Variants in SGCD observed in about 807,000 individuals in gnomAD.
SGCD encodes delta-sarcoglycan.
SGCD carries 18 observed loss-of-function variants against 36.6 expected under a neutral mutation model. That is an observed-to-expected ratio of 0.49 (90% confidence interval 0.34 to 0.73). The LOEUF is 0.73. Among genes scored for constraint, SGCD ranks in the 30% least tolerant of loss-of-function variants. SGCD has a pLI of 0.01. For missense variants in SGCD, 387 were observed against 346.7 expected, an observed-to-expected ratio of 1.12 and a Z score of -0.92; for synonymous variants, 133 against 130.6, an observed-to-expected ratio of 1.02 and a Z score of -0.12.
chr5:156,241,013 A>C (rs1765291258), intron 3 of SGCD, among the ~76,000 whole-genome samples: 1 of 152,218 alleles, frequency 6.6e-6, no homozygotes, highest in African/African-American at 2.4e-5. Context: ...AAATTGCCTT[A>C]AACTGATTTA....
intron 1 of SGCD, among the ~76,000 whole-genome samples, chr5:156,074,373 G>T (rs1263388967): frequency 6.6e-6 from 1 of 151,888 alleles, no homozygotes; most frequent in African/African-American, 2.4e-5. Context: ...AATACTGAAA[G>T]ATCAAAATCT....
At chr5:156,724,135 A>G (rs1335722791) in intron 7 of SGCD, among the ~76,000 whole-genome samples, 1 of 152,144 alleles carries the variant, frequency 6.6e-6, no homozygotes. Context: ...GAGCACGAAG[A>G]CTGTAGAAAT....
chr5:156,479,222 A>G (rs915238684), intron 3 of SGCD, among the ~76,000 whole-genome samples: 5 of 152,066 alleles, frequency 3.3e-5, no homozygotes, highest in Admixed American at 2.6e-4. Flanking sequence ...CCTCCTGAGT[A>G]GCTGCGACTA....
chr5:156,156,734 G>T (rs916181066), intron 3 of SGCD, among the ~76,000 whole-genome samples: 1 of 151,480 alleles, frequency 6.6e-6, no homozygotes, highest in Non-Finnish European at 1.5e-5. Flanking sequence ...AGGTCCCTGG[G>T]TCATTTTAAG....
intron 1 of SGCD, among the ~76,000 whole-genome samples, chr5:156,013,674 T>A: frequency 6.6e-6 from 1 of 152,184 alleles, no homozygotes; most frequent in East Asian, 1.9e-4. Context: ...GTCTTTTGCC[T>A]ATTTTTATAT....
chr5:155,935,227 G>A (rs957050455), intron 1 of SGCD, among the ~76,000 whole-genome samples: 1 of 152,084 alleles, frequency 6.6e-6, no homozygotes, highest in Non-Finnish European at 1.5e-5. Context: ...AGTTATTTTT[G>A]TATATCTTAT....
chr5:156,072,931 G>A (rs1252256131), intron 1 of SGCD, among the ~76,000 whole-genome samples: 2 of 152,088 alleles, frequency 1.3e-5, no homozygotes, highest in African/African-American at 4.8e-5. Flanking sequence ...ATCGGCTCCT[G>A]AGGCTTCTGC....
chr5:156,483,829 C>T (rs188154286), intron 3 of SGCD, among the ~76,000 whole-genome samples: 2 of 152,302 alleles, frequency 1.3e-5, no homozygotes, highest in South Asian at 2.1e-4. Context: ...GGGGCATTCC[C>T]GCTAACATTC....
At chr5:156,058,291 G>C (rs1760110081) in intron 1 of SGCD, among the ~76,000 whole-genome samples, 2 of 146,534 alleles carry the variant, frequency 1.4e-5, no homozygotes, top group African/African-American at 4.9e-5. Context: ...AACTTCAGGA[G>C]ACAACCTAGA....
rs115435071 is a variant in SGCD, at chr5:156,509,687, T to C, written c.294+985T>C. Among the ~76,000 whole-genome samples the C allele has an allele frequency of 2.4e-3, 361 of 152,338 alleles. 3 individuals are homozygous for C. The highest frequency in any genetic ancestry group is 8.4e-3 in the African/African-American group (349 of 41,578). On this transcript the variant is annotated intron_variant, in intron 4 of 8. Coordinates refer to ENST00000337851, the MANE Select transcript of SGCD (RefSeq NM_000337.6). ...GATTTCAAGCCTTCTCTGTTAACCA[T>C]TATTTCCTACCTAAGCTTTTCCTTT...
chr5:155,767,302 T>C, the SGCD span, among the ~76,000 whole-genome samples: 1 of 152,192 alleles, frequency 6.6e-6, no homozygotes, highest in Non-Finnish European at 1.5e-5. Context: ...GTCAGTTGCC[T>C]GAACTTCCCC....
intron 2 of SGCD, among the ~76,000 whole-genome samples, chr5:156,342,780 A>G (rs529737291): frequency 5.3e-4 from 80 of 152,252 alleles, no homozygotes; most frequent in Non-Finnish European, 9.4e-4. Context: ...GAACTTGCCC[A>G]TGGTATTTAG....
chr5:155,983,429 A>C (rs116224762), intron 1 of SGCD, among the ~76,000 whole-genome samples: 3,307 of 152,224 alleles, frequency 0.022, 128 homozygotes, highest in African/African-American at 0.074. Context: ...CCTCCCATGT[A>C]GCCGGGATAA....
chr5:156,288,227 T>A (rs1181537148), intron 3 of SGCD, among the ~76,000 whole-genome samples: 1 of 152,162 alleles, frequency 6.6e-6, no homozygotes, highest in Admixed American at 6.6e-5. Flanking sequence ...TCTGTGTTTT[T>A]TGAGTACTTG....
At chr5:156,421,037 A>G (rs1275436904) in intron 3 of SGCD, among the ~76,000 whole-genome samples, 6 of 152,076 alleles carry the variant, frequency 3.9e-5, no homozygotes, top group Non-Finnish European at 2.9e-5. Flanking sequence ...TTTCCCTTAA[A>G]TCAAATGCTT....
chr5:155,932,417 G>A (rs1338432544), intron 1 of SGCD, among the ~76,000 whole-genome samples: 1 of 152,062 alleles, frequency 6.6e-6, no homozygotes, highest in Non-Finnish European at 1.5e-5. Context: ...TCATCCAAAG[G>A]TATTCTCCTA....
chr5:155,885,057 T>C (rs1309618881), intron 1 of SGCD, among the ~76,000 whole-genome samples: 1 of 117,392 alleles, frequency 8.5e-6, no homozygotes, highest in Non-Finnish European at 1.6e-5. Flanking sequence ...TGAAAGAACA[T>C]GTACTTATTT....
chr5:156,727,399 C>T (rs1755833003), intron 7 of SGCD, among the ~76,000 whole-genome samples: 1 of 152,162 alleles, frequency 6.6e-6, no homozygotes. Context: ...AGAAGCCCAA[C>T]TAAAATTTGG....
intron 4 of SGCD, among the ~76,000 whole-genome samples, chr5:156,581,380 G>A (rs1760250048): frequency 6.6e-6 from 1 of 152,190 alleles, no homozygotes; most frequent in Admixed American, 6.5e-5. Context: ...GGGTTCAGGG[G>A]CCCACTAGAG....
Sources: allele counts gnomAD v4.1 joint callset (sites outside exome capture counted in the v4.1 genomes callset), GRCh38; gene constraint gnomAD v4.1.1; transcripts MANE v1.5; gene names NCBI Gene and HGNC (gene_info 2026-07-23, HGNC 2026-07-21).